Variants in BAX observed in about 807,000 individuals in gnomAD.
The protein encoded by BAX is apoptosis regulator BAX.
Under a neutral mutation model 26.8 loss-of-function variants are expected in BAX, and 21 were observed. The observed-to-expected ratio is 0.78, with a 90% CI of 0.56 to 1.13. BAX has a LOEUF of 1.13. BAX is among the 50% of genes most tolerant of loss of function. The pLI, the probability that BAX is intolerant of heterozygous loss-of-function variation, is 0.00. For synonymous variants in BAX, 110 were observed against 101.8 expected (o/e 1.08, Z -0.49); for missense variants, 236 against 254.6 (o/e 0.93, Z 0.50).
At position 48,955,829 on chromosome 19, in the gene BAX, C is replaced by A; in HGVS notation, c.229C>A (p.Gln77Lys). The A allele has an allele frequency of 6.3e-7, 1 of 1,593,572 alleles. No homozygotes were observed. The highest frequency in any genetic ancestry group is 1.1e-5 in the South Asian group (1 of 89,244). ...GDELDSNMEL[Q>K]RMIAAVDTDS... ...CGAACTGGACAGTAACATGGAGCTG[C>A]AGAGGTGTGGGCCCCTGAGGACCCA... The change falls in exon 3 of 6, where the codon CAG (glutamine) becomes AAG (lysine). Residue 77 changes from glutamine (Q) to lysine (K), a missense_variant. Gln to Lys is a moderately conservative substitution (Grantham distance 53, BLOSUM62 1). Coordinates refer to ENST00000345358, the MANE Select transcript of BAX (RefSeq NM_138761.4).
intron 4 of BAX, among the ~76,000 whole-genome samples, chr19:48,960,087 G>GT (rs1242691334): frequency 6.6e-6 from 1 of 152,126 alleles, no homozygotes; most frequent in Non-Finnish European, 1.5e-5. Context: ...GGGCTTGTGG[G>GT]CTGCACTGTG....
intron 1 of BAX, 83 bp from the exon 2 acceptor site, chr19:48,955,465 C>T: frequency 6.7e-7 from 1 of 1,485,314 alleles, no homozygotes; most frequent in Non-Finnish European, 9.1e-7. Flanking sequence ...TCTGTCCTCC[C>T]TCAGGGGCCG....
intron 5 of BAX, 188 bp from the exon 6 acceptor site, chr19:48,961,344 C>G (rs1194781350): frequency 1.5e-6 from 2 of 1,307,734 alleles, no homozygotes; most frequent in African/African-American, 1.5e-5. Flanking sequence ...GCCTCAGCCT[C>G]TCAAAGTGCT....
At position 48,960,920 on chromosome 19, in the gene BAX, A is replaced by T; in HGVS notation, c.474+6A>T. 1.2e-6 allele frequency: 2 copies of T among 1,611,876 alleles called. No individual in the cohort carries two copies. The highest frequency in any genetic ancestry group is 2.7e-5 in the African/African-American group (2 of 74,322). On this transcript the variant is annotated splice_donor_region_variant and intron_variant, in intron 5 of 5. Transcript: ENST00000345358. ...TCCAAGACCAGGGTGGTTGGGTGAG[A>T]CTCCTCAAGCCTCCTCACCCCCACC... is the stretch of plus-strand genomic sequence containing the variant.
intron 3 of BAX, 84 bp downstream of exon 3, chr19:48,955,917 C>T (rs548034937): frequency 6.8e-7 from 1 of 1,461,560 alleles, no homozygotes; most frequent in East Asian, 2.4e-5. Flanking sequence ...TCCTCCTCCC[C>T]TAAGAACTAG....
intron 4 of BAX, among the ~76,000 whole-genome samples, chr19:48,957,343 C>T (rs924912650): frequency 2.4e-5 from 3 of 122,454 alleles, no homozygotes; most frequent in South Asian, 2.9e-4. Flanking sequence ...GGCGCCATCT[C>T]GGCTCACTGC....
Position 48,961,600 on chromosome 19 carries a change from C to T in BAX, c.543C>T (p.Leu181=). ...TGACCATCTTTGTGGCGGGAGTGCT[C>T]ACCGCCTCACTCACCATCTGGAAGA... The part of the protein sequence containing the change: ...QTVTIFVAGV[L]TASLTIWKKM... Residue 181 remains leucine, a synonymous_variant, in exon 6 of 6, where the codon CTC becomes CTT. Transcript: ENST00000345358. The T allele has an allele frequency of 6.2e-7, 1 of 1,600,344 alleles. No homozygotes were observed. Among genetic ancestry groups the T allele is most frequent in the Non-Finnish European group, 8.5e-7 (1 of 1,173,292 alleles).
rs36017265 is a variant in BAX, at chr19:48,955,715, G to T, written c.115G>T (p.Gly39Trp). 2.1e-5 allele frequency: 34 copies of T among 1,612,654 alleles called. No individual in the cohort carries two copies. The highest frequency in any genetic ancestry group is 3.3e-5 in the South Asian group (3 of 90,942). The change falls in exon 3 of 6, where the codon GGG (glycine) becomes TGG (tryptophan). Residue 39 changes from glycine to tryptophan, a missense_variant. By Grantham distance (184) the Gly-to-Trp change is radical. Transcript: ENST00000345358. ...CATCCAGGATCGAGCAGGGCGAATG[G>T]GGGGGGAGGCACCCGAGCTGGCCCT... ...GFIQDRAGRMGGEAPELALDP... is the reference protein window; with the variant it reads ...GFIQDRAGRMWGEAPELALDP...
chr19:48,960,590 C>T (rs969083094), intron 4 of BAX, among the ~76,000 whole-genome samples: 16 of 152,126 alleles, frequency 1.1e-4, no homozygotes, highest in African/African-American at 3.6e-4. Flanking sequence ...CTTGAACTCC[C>T]GACCTCAAGT....
At chr19:48,960,196 T>A (rs914270271) in intron 4 of BAX, 2 of 439,168 alleles carry the variant, frequency 4.6e-6, no homozygotes, top group African/African-American at 4.1e-5. Context: ...TTATTTTTTT[T>A]ATTTATTTAT....
In BAX at chr19:48,956,404, A is replaced by G. The variant is rs552349424; in HGVS notation, c.369+71A>G. 9 of 1,439,082 alleles carry G rather than the reference A, an allele frequency of 6.3e-6. No homozygotes were observed. In the African/African-American group the frequency reaches 8.8e-5, roughly 14 times the overall value. The allele number at this position is 1,439,082 out of a possible 1,614,324, so 89.1% of individuals were successfully genotyped here. A position where few individuals can be genotyped will look rare whatever the true frequency, so the allele number is the denominator to read the frequency against. Reference sequence around the variant, plus strand: ...TCTGTGAGGACCTGGGGATCGTGGTATCAACCCCCTGCAGTGGCCCAGTGA... The same window carrying G: ...TCTGTGAGGACCTGGGGATCGTGGTGTCAACCCCCTGCAGTGGCCCAGTGA... On this transcript the variant is annotated intron_variant, in intron 4 of 5. Coordinates refer to ENST00000345358, the MANE Select transcript of BAX (RefSeq NM_138761.4).
intron 4 of BAX, among the ~76,000 whole-genome samples, chr19:48,959,901 G>A (rs976273668): frequency 6.6e-6 from 1 of 150,784 alleles, no homozygotes; most frequent in African/African-American, 2.4e-5. Context: ...GCTGGGGCAG[G>A]AGAATTGCTT....
chr19:48,958,605 G>A (rs1413368841), intron 4 of BAX, among the ~76,000 whole-genome samples: 4 of 150,304 alleles, frequency 2.7e-5, no homozygotes, highest in African/African-American at 4.9e-5. Flanking sequence ...GTGCAGTGGC[G>A]CGATCTCAGC....
At chr19:48,960,143 CAG>C (rs2038299236) in intron 4 of BAX, 3 of 396,860 alleles carry the variant, frequency 7.6e-6, no homozygotes, top group Admixed American at 5.5e-5. Flanking sequence ...ACAGAAGGCT[CAG>C]GGGTGGGGCA....
chr19:48,956,370 C>G (rs1226317273), intron 4 of BAX, 37 bp downstream of exon 4: 2 of 1,484,574 alleles, frequency 1.3e-6, no homozygotes, highest in Non-Finnish European at 1.8e-6. Flanking sequence ...AGGGATGCTC[C>G]CCCTCAGATC....
intron 2 of BAX, 37 bp downstream of exon 2, chr19:48,955,636 A>G (rs1173003367): frequency 6.2e-7 from 1 of 1,613,088 alleles, no homozygotes; most frequent in Non-Finnish European, 8.5e-7. Flanking sequence ...CACAGATTTG[A>G]GGAGTGACAC....
chr19:48,960,249 A>G (rs1373448437), intron 4 of BAX: 1 of 447,234 alleles, frequency 2.2e-6, no homozygotes, highest in Admixed American at 2.4e-5. Context: ...GCTGGCGTGA[A>G]ATGGCGTGAT....
intron 4 of BAX, among the ~76,000 whole-genome samples, chr19:48,959,660 C>CAAA (rs1229929205): frequency 7.4e-5 from 7 of 94,632 alleles, no homozygotes; most frequent in Non-Finnish European, 1.1e-4. Context: ...ACTAAAAATT[C>CAAA]AAAAAAAAAA....
Position 48,955,577 on chromosome 19 carries a change from A to T in BAX, c.64A>T (p.Thr22Ser). ...GPTSSEQIMK[T>S]GALLLQGFIQ... ...CACCAGCTCTGAGCAGATCATGAAGACAGGGGCCCTTTTGCTTCAGGGGTG... is the reference window on the plus strand; with the variant it reads ...CACCAGCTCTGAGCAGATCATGAAGTCAGGGGCCCTTTTGCTTCAGGGGTG... The change falls in exon 2 of 6, where the codon ACA becomes TCA. Residue 22 changes from threonine (T) to serine (S), a missense_variant. Thr to Ser is a moderately conservative substitution (Grantham distance 58, BLOSUM62 1). Transcript: ENST00000345358. The T allele has an allele frequency of 6.2e-7, 1 of 1,613,866 alleles. No individual in the cohort carries two copies. Among genetic ancestry groups the T allele is most frequent in the African/African-American group, 1.3e-5 (1 of 75,018 alleles).
Sources: gnomAD v4.1 joint callset for allele counts (sites outside exome capture counted in the v4.1 genomes callset) on GRCh38, gnomAD v4.1.1 for gene constraint, MANE v1.5 for transcripts, NCBI Gene and HGNC (gene_info 2026-07-23, HGNC 2026-07-21) for gene names.